Variants in ENTREP2 observed in about 807,000 individuals in gnomAD.
ENTREP2 encodes protein ENTREP2.
At chr15:29,569,005 G>C in the ENTREP2 span, among the ~76,000 whole-genome samples, 1 of 152,208 alleles carries the variant, frequency 6.6e-6, no homozygotes, top group Non-Finnish European at 1.5e-5. Context: ...TCACCAGTCT[G>C]CCACCTGTAG....
chr15:29,474,436 G>T, the ENTREP2 span, among the ~76,000 whole-genome samples: 1 of 152,088 alleles, frequency 6.6e-6, no homozygotes, highest in African/African-American at 2.4e-5. Context: ...AAATGACTAC[G>T]GTTCAGGTTC....
chr15:29,498,759 C>T, the ENTREP2 span, among the ~76,000 whole-genome samples: 2 of 152,038 alleles, frequency 1.3e-5, no homozygotes, highest in East Asian at 3.9e-4. Context: ...GTAATGAGGT[C>T]CCTCATTATT....
the ENTREP2 span, chr15:29,122,705 G>C: frequency 5.9e-5 from 9 of 152,184 alleles, no homozygotes; most frequent in African/African-American, 1.9e-4. Context: ...CTGTTCCCTG[G>C]GGGGGGCCGG....
chr15:29,181,285 A>T, the ENTREP2 span, among the ~76,000 whole-genome samples: 1 of 152,206 alleles, frequency 6.6e-6, no homozygotes, highest in Non-Finnish European at 1.5e-5. Flanking sequence ...TGCAAAAGAA[A>T]TTACCAAGCC....
the ENTREP2 span, among the ~76,000 whole-genome samples, chr15:29,193,933 T>C: frequency 2.0e-5 from 3 of 152,136 alleles, no homozygotes; most frequent in Non-Finnish European, 2.9e-5. Context: ...TATGTTAAGA[T>C]CTATATACTG....
At chr15:29,510,572 G>A in the ENTREP2 span, among the ~76,000 whole-genome samples, 12 of 151,784 alleles carry the variant, frequency 7.9e-5, no homozygotes, top group Admixed American at 2.6e-4. Flanking sequence ...TTGGGAGGCC[G>A]AGGCGGGCGG....
chr15:29,123,338 T>C, the ENTREP2 span: 1 of 1,523,632 alleles, frequency 6.6e-7, no homozygotes. Flanking sequence ...ATGTGGCTCC[T>C]TCATACCTGG....
chr15:29,538,706 G>C, the ENTREP2 span, among the ~76,000 whole-genome samples: 1 of 151,566 alleles, frequency 6.6e-6, no homozygotes, highest in African/African-American at 2.4e-5. Context: ...CTACTCAGGA[G>C]GCTGAGGCAG....
chr15:29,215,655 C>T, the ENTREP2 span, among the ~76,000 whole-genome samples: 11 of 151,768 alleles, frequency 7.2e-5, no homozygotes, highest in Non-Finnish European at 1.6e-4. Context: ...ACAAATGTCC[C>T]ACTTTGTCTC....
chr15:29,429,370 C>T, the ENTREP2 span, among the ~76,000 whole-genome samples: 24 of 152,300 alleles, frequency 1.6e-4, no homozygotes, highest in East Asian at 1.5e-3. Flanking sequence ...CACAGGCACA[C>T]GCTACCACAC....
At chr15:29,602,132 G>A in the ENTREP2 span, among the ~76,000 whole-genome samples, 1 of 152,194 alleles carries the variant, frequency 6.6e-6, no homozygotes, top group Non-Finnish European at 1.5e-5. Context: ...AGCAAAGCCT[G>A]CCTGTATTTG....
chr15:29,360,808 T>A, the ENTREP2 span, among the ~76,000 whole-genome samples: 1 of 152,192 alleles, frequency 6.6e-6, no homozygotes, highest in Non-Finnish European at 1.5e-5. Flanking sequence ...TCCTCTGGTC[T>A]GAGAGCCAGA....
the ENTREP2 span, among the ~76,000 whole-genome samples, chr15:29,138,557 A>C: frequency 2.8e-4 from 39 of 141,182 alleles, no homozygotes; most frequent in African/African-American, 9.3e-4. Flanking sequence ...GTGTGTGTGC[A>C]TGTGCATGTG....
chr15:29,612,150 C>T, the ENTREP2 span, among the ~76,000 whole-genome samples: 796 of 152,274 alleles, frequency 5.2e-3, 2 homozygotes, highest in Middle Eastern at 0.014. Context: ...GACCATTGTC[C>T]TTGCCTTCTG....
At chr15:29,345,577 G>A in the ENTREP2 span, among the ~76,000 whole-genome samples, 1 of 152,106 alleles carries the variant, frequency 6.6e-6, no homozygotes, top group Non-Finnish European at 1.5e-5. Context: ...ACAAGGCCCC[G>A]CATGCCCTCT....
the ENTREP2 span, among the ~76,000 whole-genome samples, chr15:29,408,930 CAAGGA>C: frequency 6.6e-6 from 1 of 152,090 alleles, no homozygotes; most frequent in Non-Finnish European, 1.5e-5. Context: ...ACCTAAAATA[CAAGGA>C]CATTTTTCTA....
the ENTREP2 span, among the ~76,000 whole-genome samples, chr15:29,636,298 T>C: frequency 6.6e-6 from 1 of 152,190 alleles, no homozygotes. Context: ...CAATGGAACG[T>C]TAGCAGTTGA....
the ENTREP2 span, among the ~76,000 whole-genome samples, chr15:29,201,202 C>T: frequency 6.6e-6 from 1 of 152,130 alleles, no homozygotes; most frequent in African/African-American, 2.4e-5. Context: ...TACATAGATA[C>T]TCATGTCATC....
chr15:29,182,839 T>TA, the ENTREP2 span, among the ~76,000 whole-genome samples: 39 of 149,038 alleles, frequency 2.6e-4, no homozygotes, highest in East Asian at 7.9e-4. Flanking sequence ...CATAGACCAA[T>TA]AAAAAAAAAG....
Sources: gnomAD v4.1 joint callset for allele counts (sites outside exome capture counted in the v4.1 genomes callset) on GRCh38, gnomAD v4.1.1 for gene constraint, MANE v1.5 for transcripts, NCBI Gene and HGNC (gene_info 2026-07-23, HGNC 2026-07-21) for gene names.